Variants in ERCC6 observed in about 807,000 individuals in gnomAD.
ERCC6 encodes the protein DNA excision repair protein ERCC-6.
In ERCC6, 116 loss-of-function variants were observed where a neutral mutation model predicts 158.7. That is an observed-to-expected ratio of 0.73 (90% CI 0.63 to 0.85). The LOEUF (loss-of-function observed/expected upper bound fraction) is 0.85. ERCC6 is among the 40% of genes least tolerant of loss of function. The pLI is 0.00. For synonymous variants in ERCC6, 678 were observed against 659.3 expected (o/e 1.03, Z -0.43); for missense variants, 1,698 against 1,799.4 (o/e 0.94, Z 1.02).
intron 5 of ERCC6, among the ~76,000 whole-genome samples, chr10:49,510,782 G>A (rs1261359549): frequency 6.6e-6 from 1 of 152,150 alleles, no homozygotes; most frequent in African/African-American, 2.4e-5. Flanking sequence ...AGCGTGACTT[G>A]AAAATGGTCA....
intron 8 of ERCC6, among the ~76,000 whole-genome samples, chr10:49,485,080 G>A (rs549093531): frequency 5.4e-4 from 82 of 152,328 alleles, no homozygotes; most frequent in African/African-American, 1.8e-3. Context: ...TGGTGCAGTC[G>A]TGGACAAAGA....
downstream of ERCC6, among the ~76,000 whole-genome samples, chr10:49,451,683 A>T (rs545527518): frequency 6.6e-6 from 1 of 152,130 alleles, no homozygotes; most frequent in Non-Finnish European, 1.5e-5. Context: ...TTAGTTGAGG[A>T]TTTTTGCAGG....
At chr10:49,453,696 T>C (rs1272449644), downstream of ERCC6, among the ~76,000 whole-genome samples, 1 of 152,208 alleles carries the variant, frequency 6.6e-6, no homozygotes, top group Non-Finnish European at 1.5e-5. Context: ...TTTTCTGTTT[T>C]TGTTTATCTG....
At chr10:49,491,826 A>C (rs1214579415) in intron 8 of ERCC6, among the ~76,000 whole-genome samples, 1 of 152,220 alleles carries the variant, frequency 6.6e-6, no homozygotes, top group Non-Finnish European at 1.5e-5. Flanking sequence ...AGGATTTTGC[A>C]GCACAAAACA....
chr10:49,503,373 A>AT (rs1227984806), intron 6 of ERCC6: 2 of 152,260 alleles, frequency 1.3e-5, no homozygotes, highest in African/African-American at 4.8e-5. Context: ...TTACAAGAAG[A>AT]TGAACAGCAC....
the ERCC6 span, among the ~76,000 whole-genome samples, chr10:49,438,167 T>A: frequency 6.6e-6 from 1 of 152,196 alleles, no homozygotes; most frequent in African/African-American, 2.4e-5. Flanking sequence ...CAGGAAGGCA[T>A]GGTCAGTGAA....
At chr10:49,437,526 G>T in the ERCC6 span, among the ~76,000 whole-genome samples, 1 of 152,192 alleles carries the variant, frequency 6.6e-6, no homozygotes, top group Non-Finnish European at 1.5e-5. Flanking sequence ...AAGAAAGGTG[G>T]AGGAGAGGAG....
At chr10:49,507,307 G>A (rs994500452) in intron 5 of ERCC6, among the ~76,000 whole-genome samples, 12 of 152,194 alleles carry the variant, frequency 7.9e-5, no homozygotes, top group African/African-American at 2.4e-4. Context: ...TGCACTACAC[G>A]GTAGTAAAGG....
rs912391843 is a variant in ERCC6, at chr10:49,463,789, G to A, written c.3779-2233C>T. 7.9e-5 allele frequency among the ~76,000 whole-genome samples: 12 copies of A among 152,260 alleles called. No individual in the cohort carries two copies. In the East Asian group the frequency reaches 1.7e-3, roughly 22 times the overall value. ...GAGTTTTCCTGCATAAGCTCTCTTT[G>A]CCTGCTGCCGTCCATGTAAGATGTG... On this transcript the variant is annotated intron_variant, in intron 18 of 20. Coordinates refer to ENST00000355832, the MANE Select transcript of ERCC6 (RefSeq NM_000124.4).
intron 4 of ERCC6, among the ~76,000 whole-genome samples, chr10:49,526,349 T>C (rs902096553): frequency 1.3e-5 from 2 of 151,802 alleles, no homozygotes; most frequent in East Asian, 1.9e-4. Context: ...ACTAACAAAA[T>C]AGGTGCCTTT....
At chr10:49,492,148 T>C (rs752849238) in intron 8 of ERCC6, among the ~76,000 whole-genome samples, 3 of 152,246 alleles carry the variant, frequency 2.0e-5, no homozygotes, top group African/African-American at 4.8e-5. Flanking sequence ...CATAGATTTT[T>C]CTGAGTCACT....
intron 10 of ERCC6, 99 bp downstream of exon 10, chr10:49,482,588 C>CT: frequency 1.2e-6 from 1 of 861,504 alleles, no homozygotes; most frequent in Non-Finnish European, 1.7e-6. Context: ...GCCTGGCCAT[C>CT]TTTCTCACAT....
At chr10:49,531,473 G>C (rs1463172192) in intron 2 of ERCC6, among the ~76,000 whole-genome samples, 1 of 152,068 alleles carries the variant, frequency 6.6e-6, no homozygotes, top group Non-Finnish European at 1.5e-5. Flanking sequence ...ATCCTCTGTG[G>C]ATTACAGGAT....
chr10:49,516,838 T>C (rs1263945845), intron 5 of ERCC6: 15 of 1,614,054 alleles, frequency 9.3e-6, no homozygotes, highest in Admixed American at 3.3e-5. Flanking sequence ...ACAGTAAACG[T>C]AGATGGAACT....
At chr10:49,459,343 T>A in intron 20 of ERCC6, 109 bp from the exon 21 acceptor site, 1 of 1,228,148 alleles carries the variant, frequency 8.1e-7, no homozygotes, top group South Asian at 1.2e-5. Flanking sequence ...GCCAGGGTGG[T>A]GAGGTTGACA....
intron 1 of ERCC6, 30 bp from the exon 2 acceptor site, chr10:49,533,008 C>T (rs776082641): frequency 8.1e-6 from 13 of 1,608,628 alleles, no homozygotes; most frequent in South Asian, 5.5e-5. Context: ...TAAGCCTTTT[C>T]GTTATATAGG....
Position 49,478,438 on chromosome 10 carries a change from T to C in ERCC6, c.2202A>G (p.Leu734=). ...VKTAYKCACV[L]RDTINPYLLR... ...GTAGGTATGGATTTATGGTATCTCG[T>C]AAGACACATGCACACTTGTAAGCAG... The change falls in exon 11 of 21, where the codon TTA becomes TTG. Residue 734 remains leucine, a synonymous_variant. Transcript: ENST00000355832. 1 of 1,613,566 alleles carries C rather than the reference T, an allele frequency of 6.2e-7. No homozygotes were observed. The highest frequency in any genetic ancestry group is 8.5e-7 in the Non-Finnish European group (1 of 1,179,626).
chr10:49,458,740 GATTATTAATA>G lies in ERCC6; in HGVS notation c.*65_*74del. 6.9e-7 allele frequency: 1 copy of G among 1,457,160 alleles called. No homozygotes were observed. The highest frequency in any genetic ancestry group is 9.6e-7 in the Non-Finnish European group (1 of 1,043,980). The allele number at this position is 1,457,160 out of a possible 1,614,324, so 90.3% of individuals were successfully genotyped here. On this transcript the variant is annotated 3_prime_UTR_variant, in exon 21 of 21. Coordinates refer to ENST00000355832, the MANE Select transcript of ERCC6 (RefSeq NM_000124.4). ...GCAGCCAACTTCCATTGACAAACAT[GATTATTAATA>G]ATAAATTAATAATCAGAAATGCCCG...
Position 49,458,942 on chromosome 10 carries a change from T to C in ERCC6, c.4355A>G (p.Gln1452Arg), listed in dbSNP as rs756484672. 34 of 1,614,090 alleles carry C rather than the reference T, an allele frequency of 2.1e-5. No individual in the cohort carries two copies. The highest frequency in any genetic ancestry group is 1.6e-4 in the Middle Eastern group (1 of 6,084). Residue 1452 changes from glutamine (Q) to arginine (R), a missense_variant, in exon 21 of 21, where the codon CAG becomes CGG. Physicochemically the swap from Gln to Arg is conservative, Grantham distance 43 (BLOSUM62 1). Coordinates refer to ENST00000355832, the MANE Select transcript of ERCC6 (RefSeq NM_000124.4). ...DGQASTREILQEFESKLSASQ... is the reference protein window; with the variant it reads ...DGQASTREILREFESKLSASQ... ...TGCAGATAACTTGGATTCAAACTCC[T>C]GCAGTATCTCCCTGGTGCTGGCCTG...
Sources: allele counts gnomAD v4.1 joint callset (sites outside exome capture counted in the v4.1 genomes callset), GRCh38; gene constraint gnomAD v4.1.1; transcripts MANE v1.5; gene names NCBI Gene and HGNC (gene_info 2026-07-23, HGNC 2026-07-21).